Variants in MBNL1 observed in about 807,000 individuals in gnomAD.
MBNL1 encodes muscleblind-like protein 1.
MBNL1 carries 8 observed loss-of-function variants against 42.2 expected under a neutral mutation model. The ratio of observed to expected loss-of-function variants is 0.19; its 90% CI spans 0.11 to 0.34. MBNL1 has a LOEUF of 0.34. Among genes scored for constraint, MBNL1 ranks in the 10% least tolerant of loss-of-function variants. The pLI, the probability that MBNL1 is intolerant of heterozygous loss-of-function variation, is 1.00. For missense variants in MBNL1, 309 were observed against 495.3 expected (o/e 0.62, Z 3.57); for synonymous variants, 169 against 173.9 (o/e 0.97, Z 0.22).
intron 4 of MBNL1, among the ~76,000 whole-genome samples, chr3:152,437,217 G>A (rs1193215445): frequency 2.0e-5 from 3 of 152,016 alleles, no homozygotes; most frequent in East Asian, 3.9e-4. Flanking sequence ...AAAAATTTTC[G>A]GAATCAGTTA....
chr3:152,457,178 C>G (rs759008480), intron 8 of MBNL1, among the ~76,000 whole-genome samples: 2 of 151,606 alleles, frequency 1.3e-5, no homozygotes, highest in Non-Finnish European at 1.5e-5. Context: ...ATTTATTCAC[C>G]CAGCATTTTC....
At position 152,416,302 on chromosome 3, in the gene MBNL1, T is replaced by C. The variant is rs576494021; in HGVS notation, c.345+1191T>C. 5.9e-5 allele frequency among the ~76,000 whole-genome samples: 9 copies of C among 152,370 alleles called. 1 individual carries two copies. The South Asian group carries it at 1.9e-3, about 32-fold the overall frequency. ...GAGAGAATATAATTAATTATGTGTC[T>C]GTTTTAACCTGATCTGGTTTTTTCC... On this transcript the variant is annotated intron_variant, in intron 3 of 9. Coordinates refer to ENST00000324210, the MANE Select transcript of MBNL1 (RefSeq NM_021038.5).
chr3:152,395,446 T>G (rs1475915510), intron 2 of MBNL1, among the ~76,000 whole-genome samples: 5 of 152,234 alleles, frequency 3.3e-5, no homozygotes, highest in Non-Finnish European at 7.3e-5. Flanking sequence ...TGGTGCTATA[T>G]TTCACAGAAG....
At chr3:152,335,581 A>G (rs1282502320) in intron 2 of MBNL1, among the ~76,000 whole-genome samples, 2 of 152,100 alleles carry the variant, frequency 1.3e-5, no homozygotes, top group Non-Finnish European at 2.9e-5. Context: ...ACTCTGTGGT[A>G]TATGAAAGCA....
intron 2 of MBNL1, among the ~76,000 whole-genome samples, chr3:152,349,223 TC>T (rs1250210982): frequency 2.0e-5 from 3 of 152,098 alleles, no homozygotes; most frequent in African/African-American, 7.2e-5. Context: ...GAATAACAGT[TC>T]TTCAGGGATT....
At chr3:152,258,196 A>G (rs746586509) in intron 2 of MBNL1, among the ~76,000 whole-genome samples, 5 of 152,212 alleles carry the variant, frequency 3.3e-5, no homozygotes, top group Non-Finnish European at 5.9e-5. Flanking sequence ...TTTTTAAAAA[A>G]CATATTCTGT....
At chr3:152,456,429 G>A (rs1733888110) in intron 8 of MBNL1, 68 bp downstream of exon 8, 3 of 1,279,592 alleles carry the variant, frequency 2.3e-6, no homozygotes, top group East Asian at 2.3e-5. Flanking sequence ...CAGCCCTTAC[G>A]CACGTGGATT....
intron 2 of MBNL1, among the ~76,000 whole-genome samples, chr3:152,321,570 G>A (rs2076516090): frequency 6.6e-6 from 1 of 151,984 alleles, no homozygotes; most frequent in Non-Finnish European, 1.5e-5. Context: ...TCTTGTTCAT[G>A]CAGCATTTAA....
At chr3:152,311,489 T>C (rs1206034691) in intron 2 of MBNL1, among the ~76,000 whole-genome samples, 1 of 152,244 alleles carries the variant, frequency 6.6e-6, no homozygotes, top group East Asian at 1.9e-4. Context: ...TCTTTGACAA[T>C]GATTCATATA....
intron 2 of MBNL1, among the ~76,000 whole-genome samples, chr3:152,373,937 A>G (rs2096788598): frequency 6.6e-6 from 1 of 152,162 alleles, no homozygotes; most frequent in Non-Finnish European, 1.5e-5. Context: ...AGTGTTGATG[A>G]TTTTCCTTAT....
intron 2 of MBNL1, among the ~76,000 whole-genome samples, chr3:152,409,835 C>T (rs190407018): frequency 2.6e-5 from 4 of 152,230 alleles, no homozygotes; most frequent in Admixed American, 1.3e-4. Context: ...CCACAAATCA[C>T]AGTATTCCTT....
At chr3:152,322,145 T>C (rs1560138530) in intron 2 of MBNL1, among the ~76,000 whole-genome samples, 1 of 152,128 alleles carries the variant, frequency 6.6e-6, no homozygotes, top group Non-Finnish European at 1.5e-5. Flanking sequence ...ACTCCTAATA[T>C]AGACCATTGC....
chr3:152,371,773 G>A (rs571035966), intron 2 of MBNL1, among the ~76,000 whole-genome samples: 6 of 152,102 alleles, frequency 3.9e-5, no homozygotes, highest in East Asian at 1.9e-4. Flanking sequence ...TGATGATTAC[G>A]TGTCTTGGGG....
At chr3:152,428,912 A>G (rs1189176023) in intron 3 of MBNL1, among the ~76,000 whole-genome samples, 1 of 152,064 alleles carries the variant, frequency 6.6e-6, no homozygotes, top group Non-Finnish European at 1.5e-5. Context: ...CTTTTTCCTT[A>G]TCTGCAAAAA....
chr3:152,432,808 C>A lies in MBNL1; in HGVS notation c.437C>A (p.Pro146Gln), dbSNP rs200881287. Residue 146 changes from proline (P) to glutamine (Q), a missense_variant, in exon 4 of 10, where the codon CCG (proline) becomes CAG (glutamine). Physicochemically the swap from Pro to Gln is moderately conservative, Grantham distance 76. Coordinates refer to ENST00000324210, the MANE Select transcript of MBNL1 (RefSeq NM_021038.5). ...YLGPVSPSLV[P>Q]AEILPTAPML... ...GGACCTGTTTCTCCAAGCCTGGTCC[C>A]GGCAGAGATCTTGCCGACTGCACCA... 5 of 1,614,070 alleles carry A rather than the reference C, an allele frequency of 3.1e-6. No individual in the cohort carries two copies. Among genetic ancestry groups the A allele is most frequent in the Non-Finnish European group, 4.2e-6 (5 of 1,180,038 alleles).
At chr3:152,351,131 CTT>C (rs1361673362) in intron 2 of MBNL1, among the ~76,000 whole-genome samples, 1 of 151,742 alleles carries the variant, frequency 6.6e-6, no homozygotes, top group African/African-American at 2.4e-5. Flanking sequence ...CAAAACATAA[CTT>C]AGAGTTCAGA....
intron 2 of MBNL1, among the ~76,000 whole-genome samples, chr3:152,363,751 C>G (rs1040398895): frequency 6.6e-6 from 1 of 152,052 alleles, no homozygotes; most frequent in Non-Finnish European, 1.5e-5. Context: ...TGCCTAAGTA[C>G]GGGTCACACA....
At chr3:152,400,318 A>G (rs1053644168) in intron 2 of MBNL1, among the ~76,000 whole-genome samples, 2 of 152,158 alleles carry the variant, frequency 1.3e-5, no homozygotes, top group Non-Finnish European at 2.9e-5. Context: ...AACATTTGCT[A>G]TAGCTATGAA....
chr3:152,419,701 GTTTGTTT>G (rs1424228434), intron 3 of MBNL1, among the ~76,000 whole-genome samples: 2 of 151,432 alleles, frequency 1.3e-5, no homozygotes, highest in African/African-American at 4.9e-5. Context: ...TTGTTTGTTT[GTTTGTTT>G]GTTTGTTTGT....
Sources: gnomAD v4.1 joint callset for allele counts (sites outside exome capture counted in the v4.1 genomes callset) on GRCh38, gnomAD v4.1.1 for gene constraint, MANE v1.5 for transcripts, NCBI Gene and HGNC (gene_info 2026-07-23, HGNC 2026-07-21) for gene names.